Variants in PACRG observed in about 807,000 individuals in gnomAD.
The protein encoded by PACRG is parkin coregulated, also known as parkin coregulated gene protein.
Under a neutral mutation model 29.7 loss-of-function variants are expected in PACRG, and 29 were observed. The observed-to-expected ratio is 0.98, with a 90% confidence interval of 0.73 to 1.33. The LOEUF is 1.33. Ranked by LOEUF, PACRG falls within the 40% of genes most tolerant of loss-of-function variation. The probability of loss-of-function intolerance (pLI) is 0.00; values close to 1 mark genes in which losing one functional copy is unlikely to be tolerated. For missense variants in PACRG, 279 were observed against 316.2 expected (o/e 0.88, Z 0.89); for synonymous variants, 116 against 118.7 (o/e 0.98, Z 0.15).
chr6:163,054,312 A>G (rs987162794), intron 2 of PACRG, among the ~76,000 whole-genome samples: 4 of 152,196 alleles, frequency 2.6e-5, no homozygotes, highest in African/African-American at 9.6e-5. Context: ...GCATGCACAC[A>G]GAGGAAGGGC....
At chr6:163,208,115 A>G (rs1780983353) in intron 4 of PACRG, among the ~76,000 whole-genome samples, 1 of 152,224 alleles carries the variant, frequency 6.6e-6, no homozygotes. Context: ...GCCAATTTGA[A>G]TTCTATTGTA....
chr6:162,923,456 C>T (rs1443086239), intron 2 of PACRG, among the ~76,000 whole-genome samples: 2 of 152,048 alleles, frequency 1.3e-5, no homozygotes, highest in Non-Finnish European at 2.9e-5. Context: ...AGCATTTTCC[C>T]TATGTTTTCT....
At chr6:162,797,095 G>A (rs1027165298) in intron 1 of PACRG, among the ~76,000 whole-genome samples, 2 of 152,082 alleles carry the variant, frequency 1.3e-5, no homozygotes, top group Non-Finnish European at 2.9e-5. Context: ...TGGCCAACAT[G>A]GCGACCCCCC....
intron 4 of PACRG, among the ~76,000 whole-genome samples, chr6:163,097,294 T>C (rs1475441154): frequency 6.6e-6 from 1 of 152,184 alleles, no homozygotes; most frequent in East Asian, 1.9e-4. Flanking sequence ...TTATCCAACT[T>C]TACCTGAAGG....
intron 2 of PACRG, among the ~76,000 whole-genome samples, chr6:162,934,202 G>T (rs962019713): frequency 2.4e-4 from 37 of 152,070 alleles, no homozygotes; most frequent in African/African-American, 8.0e-4. Flanking sequence ...GGCGGAGGTT[G>T]CAGTGAGCCG....
At chr6:162,924,182 T>A (rs928630793) in intron 2 of PACRG, among the ~76,000 whole-genome samples, 1 of 152,112 alleles carries the variant, frequency 6.6e-6, no homozygotes, top group Non-Finnish European at 1.5e-5. Context: ...GGTTTCTTTT[T>A]CAGTTAGTTT....
intron 1 of PACRG, among the ~76,000 whole-genome samples, chr6:162,744,615 A>C (rs2128267908): frequency 6.6e-6 from 1 of 152,276 alleles, no homozygotes; most frequent in East Asian, 1.9e-4. Flanking sequence ...TATTTCATAA[A>C]TATAAGTTGT....
intron 2 of PACRG, among the ~76,000 whole-genome samples, chr6:162,962,139 C>T (rs1043795374): frequency 6.6e-6 from 1 of 152,116 alleles, no homozygotes; most frequent in African/African-American, 2.4e-5. Context: ...CTCATTTAAC[C>T]TCTGACACTT....
At chr6:163,287,998 G>T (rs1268803498) in intron 4 of PACRG, among the ~76,000 whole-genome samples, 1 of 152,130 alleles carries the variant, frequency 6.6e-6, no homozygotes, top group Non-Finnish European at 1.5e-5. Context: ...AGGCCTCCGG[G>T]TTCTTGCTTT....
At chr6:163,303,767 G>T (rs576731497) in intron 4 of PACRG, among the ~76,000 whole-genome samples, 55 of 152,104 alleles carry the variant, frequency 3.6e-4, no homozygotes, top group Admixed American at 5.9e-4. Context: ...CCAGCACTTT[G>T]GGGGGCTGAG....
chr6:162,742,063 C>T (rs1411686794), intron 1 of PACRG, among the ~76,000 whole-genome samples: 1 of 152,162 alleles, frequency 6.6e-6, no homozygotes, highest in African/African-American at 2.4e-5. Flanking sequence ...CCAACTCCCT[C>T]ATCTCCCAGC....
intron 3 of PACRG, among the ~76,000 whole-genome samples, chr6:163,065,551 C>T (rs889356628): frequency 2.0e-5 from 3 of 152,142 alleles, no homozygotes; most frequent in Non-Finnish European, 2.9e-5. Context: ...ACAGTAGCAA[C>T]ACTGCAGCCA....
intron 4 of PACRG, among the ~76,000 whole-genome samples, chr6:163,166,477 CAT>C (rs1778819061): frequency 6.6e-6 from 1 of 152,214 alleles, no homozygotes; most frequent in Admixed American, 6.5e-5. Context: ...AACCAAATGT[CAT>C]ATTATTTACA....
chr6:162,978,143 C>CAA (rs35161525), intron 2 of PACRG, among the ~76,000 whole-genome samples: 3 of 144,304 alleles, frequency 2.1e-5, no homozygotes, highest in African/African-American at 7.6e-5. Flanking sequence ...GACTCCATCT[C>CAA]AAAAAAAAAA....
At chr6:162,788,958 C>T (rs1784726244) in intron 1 of PACRG, among the ~76,000 whole-genome samples, 1 of 152,094 alleles carries the variant, frequency 6.6e-6, no homozygotes, top group Non-Finnish European at 1.5e-5. Context: ...GGCTTGTCTT[C>T]TCATTCTCTT....
intron 4 of PACRG, among the ~76,000 whole-genome samples, chr6:163,131,181 G>C (rs569728020): frequency 1.3e-5 from 2 of 152,044 alleles, no homozygotes; most frequent in African/African-American, 4.8e-5. Context: ...GGTGGCGGGC[G>C]CCTGTAGTCC....
At chr6:162,934,141 G>A (rs559692919) in intron 2 of PACRG, among the ~76,000 whole-genome samples, 8 of 152,234 alleles carry the variant, frequency 5.3e-5, no homozygotes, top group Non-Finnish European at 1.2e-4. Context: ...GCACACTCCT[G>A]TAATCGCAGC....
intron 4 of PACRG, chr6:163,095,499 G>C: frequency 1.1e-6 from 1 of 897,306 alleles, no homozygotes; most frequent in Non-Finnish European, 1.3e-6. Context: ...CAACAGAAAT[G>C]TATCGTCTCC....
At chr6:162,927,559 A>G (rs1460309775) in intron 2 of PACRG, among the ~76,000 whole-genome samples, 3 of 152,054 alleles carry the variant, frequency 2.0e-5, no homozygotes, top group Non-Finnish European at 4.4e-5. Flanking sequence ...GCAACAGAAA[A>G]CCAAACACCA....
Sources: allele counts gnomAD v4.1 joint callset (sites outside exome capture counted in the v4.1 genomes callset), GRCh38; gene constraint gnomAD v4.1.1; transcripts MANE v1.5; gene names NCBI Gene and HGNC (gene_info 2026-07-23, HGNC 2026-07-21).